RTCA: variants seen among roughly 807,000 people sequenced by gnomAD.
RTCA encodes RNA terminal phosphate cyclase domain 1.
A neutral mutation model predicts 46.1 loss-of-function variants in RTCA; 37 were observed. The ratio of observed to expected loss-of-function variants is 0.80; its 90% confidence interval spans 0.62 to 1.06. The LOEUF is 1.06. Among genes scored for constraint, RTCA ranks in the 50% least tolerant of loss-of-function variants. The probability of loss-of-function intolerance (pLI) is 0.00; values close to 1 mark genes in which losing one functional copy is unlikely to be tolerated. For missense variants in RTCA, 435 were observed against 455.5 expected, an observed-to-expected ratio of 0.95 and a Z score of 0.41; for synonymous variants, 164 against 158.3, an observed-to-expected ratio of 1.04 and a Z score of -0.27.
chr1:100,268,985 T>C (rs960595099), intron 3 of RTCA, among the ~76,000 whole-genome samples: 4 of 151,232 alleles, frequency 2.6e-5, no homozygotes, highest in African/African-American at 9.7e-5. Context: ...GCTCACAAAT[T>C]TGAGACCAGC....
In RTCA at chr1:100,282,156, A is replaced by G. The variant is rs563965679; in HGVS notation, c.800-3072A>G. Among the ~76,000 whole-genome samples, 7 of 152,352 alleles carry G rather than the reference A, an allele frequency of 4.6e-5. No individual in the cohort carries two copies. In the South Asian group the frequency reaches 1.4e-3, roughly 32 times the overall value. ...TTTGGTGTGTATAATACTAATAAGC[A>G]AGATTCTCATATTTTGCTTATTATG... is the stretch of plus-strand genomic sequence containing the variant. On this transcript the variant is annotated intron_variant, in intron 8 of 10. Transcript: ENST00000370128.
chr1:100,271,412 T>G (rs1006561788), intron 4 of RTCA, among the ~76,000 whole-genome samples: 5 of 152,126 alleles, frequency 3.3e-5, no homozygotes, highest in African/African-American at 9.7e-5. Context: ...AGGTTGAGTT[T>G]GCAGTGAGCT....
At chr1:100,289,999 A>G (rs1350034206) in intron 10 of RTCA, among the ~76,000 whole-genome samples, 2 of 152,242 alleles carry the variant, frequency 1.3e-5, no homozygotes, top group Non-Finnish European at 2.9e-5. Context: ...AATTTGAAAA[A>G]TATATAAACG....
At chr1:100,283,842 C>A (rs1439640320) in intron 8 of RTCA, among the ~76,000 whole-genome samples, 1 of 142,926 alleles carries the variant, frequency 7.0e-6, no homozygotes, top group African/African-American at 2.6e-5. Flanking sequence ...AATTCTAACA[C>A]TTTGGGAGGC....
chr1:100,280,103 G>T (rs1056738893), intron 8 of RTCA, among the ~76,000 whole-genome samples: 1 of 152,206 alleles, frequency 6.6e-6, no homozygotes, highest in Non-Finnish European at 1.5e-5. Context: ...TGATAAAAGG[G>T]TATTTGCAAA....
intron 7 of RTCA, among the ~76,000 whole-genome samples, chr1:100,276,534 G>A (rs1666390680): frequency 6.6e-6 from 1 of 152,020 alleles, no homozygotes; most frequent in Admixed American, 6.6e-5. Context: ...AAAATTAGCT[G>A]GGCGTGGTGG....
rs1667375030 is a variant in RTCA, at chr1:100,291,951, A to G, written c.*447A>G. ...TTCCTTTTTTTTTTTTTTTTTTGAGACAGTCTCGTTCTGTCACCCAGGCTG... is the reference window on the plus strand; with the variant it reads ...TTCCTTTTTTTTTTTTTTTTTTGAGGCAGTCTCGTTCTGTCACCCAGGCTG... On this transcript the variant is annotated 3_prime_UTR_variant, in exon 11 of 11. Transcript: ENST00000370128. 2.1e-5 allele frequency: 3 copies of G among 140,638 alleles called. No individual in the cohort carries two copies. The highest frequency in any genetic ancestry group is 7.2e-5 in the Admixed American group (1 of 13,846). The allele number at this position is 140,638 out of a possible 1,614,324, so 8.7% of individuals were successfully genotyped here. A position where few individuals can be genotyped will look rare whatever the true frequency, so the allele number is the denominator to read the frequency against.
intron 3 of RTCA, 133 bp from the exon 4 acceptor site, chr1:100,270,424 A>G (rs1415891942): frequency 1.4e-5 from 14 of 1,032,838 alleles, no homozygotes; most frequent in East Asian, 2.5e-5. Flanking sequence ...TAGAAACTCA[A>G]TGGCATATAC....
At chr1:100,281,558 A>G (rs1001484497) in intron 8 of RTCA, among the ~76,000 whole-genome samples, 4 of 152,136 alleles carry the variant, frequency 2.6e-5, no homozygotes, top group Non-Finnish European at 4.4e-5. Flanking sequence ...ACAGTTAGTT[A>G]TATTCTTTAC....
At chr1:100,267,198 T>C (rs1424696964) in intron 2 of RTCA, 5 of 312,180 alleles carry the variant, frequency 1.6e-5, no homozygotes, top group Admixed American at 4.6e-5. Context: ...TTCAGGTACA[T>C]GCACCTGCTA....
chr1:100,285,269 CTA>C lies in RTCA; in HGVS notation c.843_844del (p.Leu282SerfsTer4), dbSNP rs1458897500. Reference protein sequence around the residue: ...DKVGIEAAEMLLANLRHGGTV... With the variant: ...DKVGIEAAEMXLANLRHGGTV... ...AGTTGGAATTGAAGCTGCCGAAATG[CTA>C]TTAGCAAATCTTAGACATGGTGGTA... On this transcript the variant is annotated frameshift_variant, in exon 9 of 11. Coordinates refer to ENST00000370128, the MANE Select transcript of RTCA (RefSeq NM_003729.4). LOFTEE classifies it high-confidence loss of function. 1 of 1,613,728 alleles carries C rather than the reference CTA, an allele frequency of 6.2e-7. No homozygotes were observed. The highest frequency in any genetic ancestry group is 1.7e-5 in the Admixed American group (1 of 60,012).
intron 5 of RTCA, among the ~76,000 whole-genome samples, chr1:100,273,856 C>T (rs1014562799): frequency 6.6e-6 from 1 of 152,192 alleles, no homozygotes; most frequent in African/African-American, 2.4e-5. Context: ...GGTTATTTCT[C>T]TTTAAGGCTT....
intron 2 of RTCA, 127 bp downstream of exon 2, chr1:100,266,751 C>T: frequency 1.4e-6 from 1 of 739,686 alleles, no homozygotes. Flanking sequence ...ATGGGCGATC[C>T]AGGGCGGGGC....
rs1383916949 is a variant in RTCA, at chr1:100,266,628, A to G, written c.146+4A>G. 3 of 1,607,152 alleles carry G rather than the reference A, an allele frequency of 1.9e-6. No individual in the cohort carries two copies. On this transcript the variant is annotated splice_donor_region_variant and intron_variant, in intron 2 of 10. Coordinates refer to ENST00000370128, the MANE Select transcript of RTCA (RefSeq NM_003729.4). ...GCCGGAGCACGCCAGGCCTGAGGTA[A>G]ATCTGGCTGGAGGGGGAGTTGGGCC...
At chr1:100,276,406 C>T (rs889866483) in intron 7 of RTCA, among the ~76,000 whole-genome samples, 10 of 152,198 alleles carry the variant, frequency 6.6e-5, no homozygotes, top group Middle Eastern at 3.4e-3. Context: ...AGGCCAGGCG[C>T]GGTGGCTTAC....
In RTCA at chr1:100,291,573, C is replaced by A; in HGVS notation, c.*69C>A. ...TTTCATAAATACTATAAAATAATGACTAGGAAGTAACTTATTAAAGGCTAT... is the reference window on the plus strand; with the variant it reads ...TTTCATAAATACTATAAAATAATGAATAGGAAGTAACTTATTAAAGGCTAT... On this transcript the variant is annotated 3_prime_UTR_variant, in exon 11 of 11. Coordinates refer to ENST00000370128, the MANE Select transcript of RTCA (RefSeq NM_003729.4). 1.0e-6 allele frequency: 1 copy of A among 956,954 alleles called. No individual in the cohort carries two copies. Among genetic ancestry groups the A allele is most frequent in the Non-Finnish European group, 1.6e-6 (1 of 624,262 alleles). The allele number at this position is 956,954 out of a possible 1,614,324, so 59.3% of individuals were successfully genotyped here.
chr1:100,266,582 G>C lies in RTCA; in HGVS notation c.104G>C (p.Arg35Pro). The change falls in exon 2 of 11, where the codon CGG becomes CCG. Residue 35 changes from arginine to proline, a missense_variant. Transcript: ENST00000370128. ...ALSCLLGLPL[R>P]VQKIRAGRST... ...AGCTGTCTCCTAGGCCTCCCCTTGC[G>C]GGTGCAGAAGATCCGAGCCGGCCGG... 2 of 1,613,870 alleles carry C rather than the reference G, an allele frequency of 1.2e-6. No homozygotes were observed. The highest frequency in any genetic ancestry group is 1.1e-5 in the South Asian group (1 of 91,050).
Position 100,291,929 on chromosome 1 carries a change from C to CTTTTTTTTTTTT in RTCA, c.*432_*443dup, listed in dbSNP as rs34035586. The CTTTTTTTTTTTT allele has an allele frequency of 7.5e-6, 1 of 133,424 alleles. No individual in the cohort carries two copies. The highest frequency in any genetic ancestry group is 2.8e-5 in the African/African-American group (1 of 35,432). The allele number at this position is 133,424 out of a possible 1,614,324, so 8.3% of individuals were successfully genotyped here. ...TTGTTGTGACAACAATAACATTTTC[C>CTTTTTTTTTTTT]TTTTTTTTTTTTTTTTTTGAGACAG... On this transcript the variant is annotated 3_prime_UTR_variant, in exon 11 of 11. Coordinates refer to ENST00000370128, the MANE Select transcript of RTCA (RefSeq NM_003729.4).
rs34035586 is a variant in RTCA at position 100,291,929 on chromosome 1, C to CTT, written c.*442_*443dup. On this transcript the variant is annotated 3_prime_UTR_variant, in exon 11 of 11. Coordinates refer to ENST00000370128, the MANE Select transcript of RTCA (RefSeq NM_003729.4). Reference sequence around the variant, plus strand: ...TTGTTGTGACAACAATAACATTTTCCTTTTTTTTTTTTTTTTTTGAGACAG... The same window carrying CTT: ...TTGTTGTGACAACAATAACATTTTCCTTTTTTTTTTTTTTTTTTTTGAGACAG... 1.2e-3 allele frequency: 159 copies of CTT among 133,376 alleles called. 1 individual carries two copies. The highest frequency in any genetic ancestry group is 2.1e-3 in the South Asian group (9 of 4,234). 8.3% of individuals were successfully genotyped at this position (133,376 alleles called of 1,614,324 possible). A position where few individuals can be genotyped will look rare whatever the true frequency, so the allele number is the denominator to read the frequency against.
Sources: gnomAD v4.1 joint callset for allele counts (sites outside exome capture counted in the v4.1 genomes callset) on GRCh38, gnomAD v4.1.1 for gene constraint, MANE v1.5 for transcripts, NCBI Gene and HGNC (gene_info 2026-07-23, HGNC 2026-07-21) for gene names.